Variants in GRIN2A observed in about 807,000 individuals in gnomAD.
GRIN2A encodes glutamate receptor ionotropic, NMDA 2A.
In GRIN2A, 22 loss-of-function variants were observed where a neutral mutation model predicts 113.4. The ratio of observed to expected loss-of-function variants is 0.19; its 90% CI spans 0.14 to 0.28. The LOEUF (loss-of-function observed/expected upper bound fraction) is 0.28. Among genes scored for constraint, GRIN2A ranks in the 10% least tolerant of loss-of-function variants. GRIN2A has a pLI of 1.00. For synonymous variants in GRIN2A, 827 were observed against 738.4 expected, an observed-to-expected ratio of 1.12 and a Z score of -1.94; for missense variants, 1,502 against 1,887.0, an observed-to-expected ratio of 0.80 and a Z score of 3.78.
In GRIN2A at chr16:9,979,447, G is replaced by A. The variant is rs1239453211; in HGVS notation, c.415-40896C>T. On this transcript the variant is annotated intron_variant, in intron 2 of 12. Coordinates refer to ENST00000330684, the MANE Select transcript of GRIN2A (RefSeq NM_001134407.3). Reference sequence around the variant, plus strand: ...TACCTGGAATGCTTTTTCCTCCGCTGTTCCCATCATCAGGACCTCCTTTTT... The same window carrying A: ...TACCTGGAATGCTTTTTCCTCCGCTATTCCCATCATCAGGACCTCCTTTTT... Among the ~76,000 whole-genome samples, 4 of 152,116 alleles carry A rather than the reference G, an allele frequency of 2.6e-5. No individual in the cohort carries two copies. In the East Asian group the frequency reaches 5.8e-4, roughly 22 times the overall value.
intron 3 of GRIN2A, among the ~76,000 whole-genome samples, chr16:9,933,608 A>T (rs13336172): frequency 0.013 from 1,907 of 152,306 alleles, 43 homozygotes; most frequent in African/African-American, 0.044. Flanking sequence ...TGTAATTTTT[A>T]AGCTTGAAGT....
chr16:10,127,920 G>C (rs1386606266), intron 2 of GRIN2A, among the ~76,000 whole-genome samples: 1 of 152,040 alleles, frequency 6.6e-6, no homozygotes, highest in Non-Finnish European at 1.5e-5. Context: ...GGGGGCCTTG[G>C]GTCACACCAG....
intron 12 of GRIN2A, among the ~76,000 whole-genome samples, chr16:9,768,368 G>A (rs928372878): frequency 6.6e-6 from 1 of 152,124 alleles, no homozygotes; most frequent in East Asian, 1.9e-4. Flanking sequence ...TTTTTACATG[G>A]AATTAGTTAC....
rs770982536 is a variant in GRIN2A, at chr16:9,764,897, G to T, written c.2647C>A (p.Pro883Thr). The T allele has an allele frequency of 6.2e-7, 1 of 1,613,820 alleles. No individual in the cohort carries two copies. The highest frequency in any genetic ancestry group is 2.2e-5 in the East Asian group (1 of 44,874). ...GVHIEEKKKS[P>T]DFNLTGSQSN... ...TGGGATCCCGTCAGATTGAAGTCTG[G>T]AGACTTCTTCTTTTCTTCAATGTGC... The change falls in exon 13 of 13, where the codon CCA (proline) becomes ACA (threonine). Residue 883 changes from proline (P) to threonine (T), a missense_variant. Physicochemically the swap from Pro to Thr is conservative, Grantham distance 38. Around this residue, in one of 7 missense-constraint regions of GRIN2A, gnomAD observed 832 missense variants for 789.7 expected, o/e 1.05. Coordinates refer to ENST00000330684, the MANE Select transcript of GRIN2A (RefSeq NM_001134407.3).
intron 4 of GRIN2A, among the ~76,000 whole-genome samples, chr16:9,873,471 CA>C (rs1472718635): frequency 1.3e-5 from 2 of 151,952 alleles, no homozygotes; most frequent in African/African-American, 4.8e-5. Context: ...GAGGCTGAGG[CA>C]GGAGAATCCC....
intron 3 of GRIN2A, among the ~76,000 whole-genome samples, chr16:9,925,572 C>T (rs2044447940): frequency 6.6e-6 from 1 of 152,142 alleles, no homozygotes; most frequent in Admixed American, 6.5e-5. Context: ...CACTTGAATC[C>T]CCTATCCTTA....
In GRIN2A at chr16:10,040,448, C is replaced by T. The variant is rs137872257; in HGVS notation, c.415-101897G>A. Among the ~76,000 whole-genome samples, 380 of 151,448 alleles carry T rather than the reference C, an allele frequency of 2.5e-3. 1 individual carries two copies. The highest frequency in any genetic ancestry group is 8.8e-3 in the African/African-American group (361 of 41,252). ...ACTCACAAATACATGAACACAGTCACAAATATAAATCCACGCCACACACAA... is the reference window on the plus strand; with the variant it reads ...ACTCACAAATACATGAACACAGTCATAAATATAAATCCACGCCACACACAA... On this transcript the variant is annotated intron_variant, in intron 2 of 12. Transcript: ENST00000330684.
At chr16:10,033,105 C>T (rs2046959900) in intron 2 of GRIN2A, among the ~76,000 whole-genome samples, 2 of 152,160 alleles carry the variant, frequency 1.3e-5, no homozygotes. Flanking sequence ...ATTTCTGTGA[C>T]TTTCCCAGAT....
chr16:9,823,068 T>C (rs1329365222), intron 9 of GRIN2A, among the ~76,000 whole-genome samples: 1 of 152,216 alleles, frequency 6.6e-6, no homozygotes, highest in African/African-American at 2.4e-5. Context: ...GAGTCCCTGT[T>C]GATCTTTAGC....
chr16:10,137,433 C>T (rs570305988), intron 2 of GRIN2A, among the ~76,000 whole-genome samples: 3 of 152,186 alleles, frequency 2.0e-5, no homozygotes, highest in Admixed American at 1.3e-4. Flanking sequence ...CCATATCACC[C>T]ACACCTGGAG....
At chr16:10,013,919 A>T (rs1355166562) in intron 2 of GRIN2A, among the ~76,000 whole-genome samples, 2 of 152,174 alleles carry the variant, frequency 1.3e-5, no homozygotes. Context: ...CTCAAGCGTC[A>T]CTTCCTCAAC....
intron 2 of GRIN2A, among the ~76,000 whole-genome samples, chr16:10,002,517 G>C (rs2046338521): frequency 6.6e-6 from 1 of 152,198 alleles, no homozygotes; most frequent in Admixed American, 6.5e-5. Flanking sequence ...AGTCAGTGTA[G>C]TCATCTATAG....
At chr16:9,929,500 C>T (rs1351170624) in intron 3 of GRIN2A, among the ~76,000 whole-genome samples, 2 of 152,126 alleles carry the variant, frequency 1.3e-5, no homozygotes, top group African/African-American at 4.8e-5. Flanking sequence ...TTAAGCCTGC[C>T]CACTTCTCTC....
chr16:9,958,882 G>A (rs1230226785), intron 2 of GRIN2A, among the ~76,000 whole-genome samples: 1 of 152,142 alleles, frequency 6.6e-6, no homozygotes, highest in African/African-American at 2.4e-5. Context: ...CCCTTGTGCT[G>A]GCTGTACAGA....
intron 12 of GRIN2A, among the ~76,000 whole-genome samples, chr16:9,765,423 C>A (rs1475024363): frequency 6.6e-6 from 1 of 152,322 alleles, no homozygotes; most frequent in East Asian, 1.9e-4. Flanking sequence ...TCTGGAATTA[C>A]CCCTACTCTT....
chr16:9,866,200 G>T (rs1239183006), intron 4 of GRIN2A, among the ~76,000 whole-genome samples: 1 of 152,176 alleles, frequency 6.6e-6, no homozygotes, highest in African/African-American at 2.4e-5. Context: ...ACAGCCAAAG[G>T]GTGAAAGGTG....
chr16:9,951,754 T>C (rs1158863062), intron 2 of GRIN2A, among the ~76,000 whole-genome samples: 3 of 152,158 alleles, frequency 2.0e-5, no homozygotes, highest in African/African-American at 4.8e-5. Flanking sequence ...AAATTACTAT[T>C]TGAAAGGAGA....
intron 11 of GRIN2A, among the ~76,000 whole-genome samples, chr16:9,787,851 A>C (rs1902324182): frequency 6.6e-6 from 1 of 151,988 alleles, no homozygotes; most frequent in African/African-American, 2.4e-5. Flanking sequence ...TTATCTCTTT[A>C]ATTGGGCTGA....
chr16:9,806,170 G>A (rs1163038264), intron 10 of GRIN2A, among the ~76,000 whole-genome samples: 1 of 152,088 alleles, frequency 6.6e-6, no homozygotes, highest in Admixed American at 6.5e-5. Context: ...CAATTCTTTT[G>A]TGTTTAAATT....
Sources: allele counts gnomAD v4.1 joint callset (sites outside exome capture counted in the v4.1 genomes callset), GRCh38; gene constraint gnomAD v4.1.1; regional missense constraint gnomAD v4.1.1; transcripts MANE v1.5; gene names NCBI Gene and HGNC (gene_info 2026-07-23, HGNC 2026-07-21).